The following FAM89A variants were observed in gnomAD, a reference collection of about 807,000 sequenced individuals.
The protein encoded by FAM89A is family with sequence similarity 89 member A.
A neutral mutation model predicts 7.1 loss-of-function variants in FAM89A; 10 were observed. That is an observed-to-expected ratio of 1.40 (90% CI 0.86 to 2.38). The LOEUF (loss-of-function observed/expected upper bound fraction) is 2.38, where lower values mean the gene tolerates loss of function less well. Ranked by LOEUF, FAM89A falls within the 30% of genes most tolerant of loss-of-function variation. The pLI, the probability that FAM89A is intolerant of heterozygous loss-of-function variation, is 0.00. For synonymous variants in FAM89A, 157 were observed against 129.3 expected (o/e 1.21, Z -1.45); for missense variants, 276 against 262.8 (o/e 1.05, Z -0.35).
intron 1 of FAM89A, chr1:231,022,167 A>G: frequency 2.8e-6 from 3 of 1,075,208 alleles, no homozygotes; most frequent in East Asian, 4.7e-5. Context: ...AAACAGTACC[A>G]CTCCATTCAT....
At chr1:231,025,106 T>C (rs1311736448) in intron 1 of FAM89A, among the ~76,000 whole-genome samples, 1 of 151,800 alleles carries the variant, frequency 6.6e-6, no homozygotes, top group Non-Finnish European at 1.5e-5. Context: ...GTATTTTTAG[T>C]AGAGACGGGG....
At chr1:231,037,508 G>A (rs1680177699) in intron 1 of FAM89A, among the ~76,000 whole-genome samples, 1 of 152,048 alleles carries the variant, frequency 6.6e-6, no homozygotes, top group African/African-American at 2.4e-5. Context: ...CTACCCTGCT[G>A]GGGACTCCAT....
chr1:231,039,830 G>T lies in FAM89A; in HGVS notation c.291+91C>A, dbSNP rs115863164. 3.3e-4 allele frequency: 396 copies of T among 1,195,612 alleles called. 3 individuals are homozygous for T. The East Asian group carries it at 0.013, about 39-fold the overall frequency. 74.1% of individuals were successfully genotyped at this position (1,195,612 alleles called of 1,614,324 possible). A position where few individuals can be genotyped will look rare whatever the true frequency, so the allele number is the denominator to read the frequency against. On this transcript the variant is annotated intron_variant, in intron 1 of 1. Coordinates refer to ENST00000366654, the MANE Select transcript of FAM89A (RefSeq NM_198552.3). ...GGAGCCCGAAAGGGCGGGTGGGCGC[G>T]GGGACTTCCGGACAGAGCGCGGTCC...
chr1:231,030,602 G>C (rs1274238168), intron 1 of FAM89A, among the ~76,000 whole-genome samples: 1 of 151,574 alleles, frequency 6.6e-6, no homozygotes, highest in Non-Finnish European at 1.5e-5. Flanking sequence ...TTTTTTTTCT[G>C]ATTATAAAAA....
chr1:231,032,216 T>C (rs894489574), intron 1 of FAM89A, among the ~76,000 whole-genome samples: 1 of 152,214 alleles, frequency 6.6e-6, no homozygotes, highest in African/African-American at 2.4e-5. Context: ...ATTTTAAAAT[T>C]ATATTGCAAT....
chr1:231,020,771 G>T (rs1296401697), intron 1 of FAM89A, among the ~76,000 whole-genome samples: 1 of 152,102 alleles, frequency 6.6e-6, no homozygotes, highest in African/African-American at 2.4e-5. Flanking sequence ...AAGATGAAGG[G>T]CTCTACAGTT....
At chr1:231,021,965 G>C in intron 1 of FAM89A, 2 of 1,376,588 alleles carry the variant, frequency 1.5e-6, no homozygotes, top group Non-Finnish European at 2.1e-6. Context: ...CACCAGGGAT[G>C]AGGGCGCTAT....
At chr1:231,020,669 T>G (rs1160429857) in intron 1 of FAM89A, among the ~76,000 whole-genome samples, 2 of 152,154 alleles carry the variant, frequency 1.3e-5, no homozygotes, top group Non-Finnish European at 2.9e-5. Flanking sequence ...GAGGTTACAC[T>G]GCCTCCCTCT....
chr1:231,019,572 C>T lies in FAM89A; in HGVS notation c.*291G>A. ...CCCACTAAGGCCTTTCACCGAGATC[C>T]TCTTGTTATATTCTCATTATGAATC... is the stretch of plus-strand genomic sequence containing the variant. On this transcript the variant is annotated 3_prime_UTR_variant, in exon 2 of 2. Coordinates refer to ENST00000366654, the MANE Select transcript of FAM89A (RefSeq NM_198552.3). The T allele has an allele frequency of 5.9e-6, 2 of 340,650 alleles. No individual in the cohort carries two copies. The highest frequency in any genetic ancestry group is 4.5e-5 in the Admixed American group (1 of 22,412). The allele number at this position is 340,650 out of a possible 1,614,324, so 21.1% of individuals were successfully genotyped here. A position where few individuals can be genotyped will look rare whatever the true frequency, so the allele number is the denominator to read the frequency against.
At position 231,022,124 on chromosome 1, in the gene FAM89A, A is replaced by G. The variant is rs1287590105; in HGVS notation, c.292-1998T>C. 16 of 1,235,434 alleles carry G rather than the reference A, an allele frequency of 1.3e-5. No individual in the cohort carries two copies. The East Asian group carries it at 3.5e-4, about 27-fold the overall frequency. 76.5% of individuals were successfully genotyped at this position (1,235,434 alleles called of 1,614,324 possible). A position where few individuals can be genotyped will look rare whatever the true frequency, so the allele number is the denominator to read the frequency against. On this transcript the variant is annotated intron_variant, in intron 1 of 1. Transcript: ENST00000366654. ...CCGTGATTCCCTGAAGAACGCTAAT[A>G]CTTGCCCAACTTGTAGGAAAAAGAT...
At chr1:231,021,940 C>G in intron 1 of FAM89A, 5 of 1,444,046 alleles carry the variant, frequency 3.5e-6, no homozygotes, top group Non-Finnish European at 3.9e-6. Context: ...ATGTGACTAC[C>G]CACACTTCCA....
intron 1 of FAM89A, among the ~76,000 whole-genome samples, chr1:231,027,386 A>G (rs1679992254): frequency 6.6e-6 from 1 of 152,096 alleles, no homozygotes; most frequent in African/African-American, 2.4e-5. Flanking sequence ...CCCCGCACAC[A>G]CCTATTACAC....
At chr1:231,024,834 A>G (rs867194371) in intron 1 of FAM89A, among the ~76,000 whole-genome samples, 8 of 150,196 alleles carry the variant, frequency 5.3e-5, no homozygotes, top group African/African-American at 1.7e-4. Flanking sequence ...CACTGTGCCC[A>G]GCCTACAGAG....
At chr1:231,038,478 C>T (rs187657221) in intron 1 of FAM89A, among the ~76,000 whole-genome samples, 1 of 152,322 alleles carries the variant, frequency 6.6e-6, no homozygotes, top group African/African-American at 2.4e-5. Context: ...TCCTACTTCA[C>T]CCCCGTGGTT....
chr1:231,039,797 G>A, intron 1 of FAM89A, 124 bp downstream of exon 1: 1 of 996,872 alleles, frequency 1.0e-6, no homozygotes, highest in Non-Finnish European at 1.3e-6. Context: ...GCCGGCGCCT[G>A]GGGCGGAGGA....
chr1:231,039,179 T>C (rs981479561), intron 1 of FAM89A, among the ~76,000 whole-genome samples: 2 of 152,254 alleles, frequency 1.3e-5, no homozygotes, highest in Admixed American at 6.5e-5. Context: ...AAACAGCTAA[T>C]GTACTTCCCA....
intron 1 of FAM89A, among the ~76,000 whole-genome samples, chr1:231,032,335 C>CA (rs60935058): frequency 0.95 from 138,669 of 145,272 alleles, 66,204 homozygotes; most frequent in East Asian, 1. Context: ...AAACTGCGCT[C>CA]AAAAAACCCT....
chr1:231,031,221 C>T (rs35472025), intron 1 of FAM89A, among the ~76,000 whole-genome samples: 15,502 of 152,070 alleles, frequency 0.1, 1,148 homozygotes, highest in African/African-American at 0.21. Flanking sequence ...TCCTTTGTGA[C>T]GTGCTGTTTT....
chr1:231,034,224 G>A (rs1396894273), intron 1 of FAM89A, among the ~76,000 whole-genome samples: 2 of 152,190 alleles, frequency 1.3e-5, no homozygotes, highest in African/African-American at 2.4e-5. Context: ...GGCCCCGCAC[G>A]TGTGCCCAAA....
Sources: gnomAD v4.1 joint callset for allele counts (sites outside exome capture counted in the v4.1 genomes callset) on GRCh38, gnomAD v4.1.1 for gene constraint, MANE v1.5 for transcripts, NCBI Gene and HGNC (gene_info 2026-07-23, HGNC 2026-07-21) for gene names.